RAPGEF4: variants seen among roughly 807,000 people sequenced by gnomAD.
The protein encoded by RAPGEF4 is Rap guanine nucleotide exchange factor 4, also known as RAP guanine-nucleotide-exchange factor (GEF) 4.
RAPGEF4 carries 66 observed loss-of-function variants against 147.9 expected under a neutral mutation model. The observed-to-expected ratio is 0.45, with a 90% confidence interval of 0.37 to 0.55. The LOEUF (loss-of-function observed/expected upper bound fraction) is 0.55, where lower values mean the gene tolerates loss of function less well. Among genes scored for constraint, RAPGEF4 ranks in the 20% least tolerant of loss-of-function variants. The pLI, the probability that RAPGEF4 is intolerant of heterozygous loss-of-function variation, is 0.00. For synonymous variants in RAPGEF4, 419 were observed against 442.7 expected (o/e 0.95, Z 0.67); for missense variants, 1,071 against 1,257.3 (o/e 0.85, Z 2.24).
intron 6 of RAPGEF4, among the ~76,000 whole-genome samples, chr2:172,927,789 C>T (rs1384343108): frequency 6.6e-6 from 1 of 152,204 alleles, no homozygotes; most frequent in Non-Finnish European, 1.5e-5. Flanking sequence ...CCAGGCTGAA[C>T]CTATGAAGAC....
At chr2:172,741,024 C>T (rs1694248615) in intron 1 of RAPGEF4, among the ~76,000 whole-genome samples, 3 of 152,192 alleles carry the variant, frequency 2.0e-5, no homozygotes, top group Non-Finnish European at 4.4e-5. Context: ...AGAAGCCAAG[C>T]TGCCAGGAGG....
At position 173,000,665 on chromosome 2, in the gene RAPGEF4, C is replaced by A. The variant is rs557420900; in HGVS notation, c.1580-601C>A. 1.7e-3 allele frequency among the ~76,000 whole-genome samples: 261 copies of A among 152,284 alleles called. 1 individual carries two copies. The highest frequency in any genetic ancestry group is 2.0e-3 in the Non-Finnish European group (137 of 68,020). On this transcript the variant is annotated intron_variant, in intron 16 of 30. Transcript: ENST00000397081. Reference sequence around the variant, plus strand: ...ATAGGACAGTCACCATTTGAATCCACCAGCTTCTGTTTTGTTAGCCTTTGT... The same window carrying A: ...ATAGGACAGTCACCATTTGAATCCAACAGCTTCTGTTTTGTTAGCCTTTGT...
intron 3 of RAPGEF4, among the ~76,000 whole-genome samples, chr2:172,810,595 C>T (rs1049194104): frequency 2.6e-5 from 4 of 152,158 alleles, no homozygotes; most frequent in African/African-American, 7.2e-5. Context: ...GATGGCGTGT[C>T]GGTGATATGC....
chr2:173,001,125 A>C, intron 16 of RAPGEF4, 141 bp from the exon 17 acceptor site: 1 of 1,203,054 alleles, frequency 8.3e-7, no homozygotes. Context: ...TATTTATATG[A>C]AGTGCTTCCA....
At chr2:172,935,485 T>A (rs1374527065) in intron 6 of RAPGEF4, among the ~76,000 whole-genome samples, 1 of 152,200 alleles carries the variant, frequency 6.6e-6, no homozygotes, top group Admixed American at 6.5e-5. Flanking sequence ...TGTTCATTGC[T>A]TCTCGCCAGT....
intron 15 of RAPGEF4, 64 bp downstream of exon 15, chr2:172,990,989 T>A (rs1692777067): frequency 1.6e-6 from 2 of 1,221,094 alleles, no homozygotes; most frequent in Non-Finnish European, 2.4e-6. Context: ...GGTATCATCA[T>A]TTCTACAATA....
At chr2:172,820,318 C>T (rs1045697457) in intron 4 of RAPGEF4, among the ~76,000 whole-genome samples, 2 of 152,102 alleles carry the variant, frequency 1.3e-5, no homozygotes, top group African/African-American at 4.8e-5. Context: ...GAAAAATTTC[C>T]CTGTTGCCAT....
chr2:172,758,649 G>A (rs762854503), intron 1 of RAPGEF4, among the ~76,000 whole-genome samples: 38 of 152,188 alleles, frequency 2.5e-4, no homozygotes, highest in Non-Finnish European at 4.9e-4. Flanking sequence ...GGAAGTGTAT[G>A]GGAAAGAAGA....
chr2:173,023,045 G>A (rs114402319), intron 23 of RAPGEF4, among the ~76,000 whole-genome samples: 1,535 of 152,224 alleles, frequency 0.01, 34 homozygotes, highest in African/African-American at 0.034. Context: ...ACCTCAGTGA[G>A]CAAACAGTGT....
At chr2:172,810,478 G>T (rs1340769581) in intron 3 of RAPGEF4, among the ~76,000 whole-genome samples, 1 of 152,230 alleles carries the variant, frequency 6.6e-6, no homozygotes, top group Non-Finnish European at 1.5e-5. Flanking sequence ...TGGGACTAAG[G>T]ATGGGTGGAT....
chr2:172,878,344 C>A (rs891772887), intron 4 of RAPGEF4, among the ~76,000 whole-genome samples: 9 of 152,276 alleles, frequency 5.9e-5, no homozygotes, highest in African/African-American at 2.2e-4. Context: ...TACCTTACCT[C>A]AAAATATTCT....
At chr2:172,877,528 T>TAA (rs141097661) in intron 4 of RAPGEF4, among the ~76,000 whole-genome samples, 46 of 133,216 alleles carry the variant, frequency 3.5e-4, no homozygotes, top group Middle Eastern at 3.8e-3. Context: ...ACTTAAAGTA[T>TAA]AAAAAAAAAA....
At chr2:172,770,695 G>C (rs1420782155) in intron 1 of RAPGEF4, among the ~76,000 whole-genome samples, 1 of 152,192 alleles carries the variant, frequency 6.6e-6, no homozygotes, top group Non-Finnish European at 1.5e-5. Flanking sequence ...TAAATGGAAA[G>C]AATTGCCATC....
rs3769270 is a variant in RAPGEF4 at position 172,899,370 on chromosome 2, G to T, written c.445-18432G>T. 7.2e-5 allele frequency among the ~76,000 whole-genome samples: 11 copies of T among 152,338 alleles called. No individual in the cohort carries two copies. The East Asian group carries it at 2.1e-3, about 29-fold the overall frequency. Reference sequence around the variant, plus strand: ...CATGACCAAAGATTAATCCGCATAGGAAAGTGTTTGCAGCAGAAATCTGTT... The same window carrying T: ...CATGACCAAAGATTAATCCGCATAGTAAAGTGTTTGCAGCAGAAATCTGTT... On this transcript the variant is annotated intron_variant, in intron 4 of 30. Transcript: ENST00000397081.
At chr2:172,979,378 A>G (rs896269107) in intron 10 of RAPGEF4, among the ~76,000 whole-genome samples, 1 of 152,220 alleles carries the variant, frequency 6.6e-6, no homozygotes, top group African/African-American at 2.4e-5. Context: ...ACGATGAGCC[A>G]TATTAAACAC....
intron 29 of RAPGEF4, among the ~76,000 whole-genome samples, chr2:173,041,757 G>T (rs1684786647): frequency 6.6e-6 from 1 of 152,144 alleles, no homozygotes; most frequent in Admixed American, 6.5e-5. Flanking sequence ...AGTCCAAGTT[G>T]GTGAGACTGA....
In RAPGEF4 at chr2:172,801,320, G is replaced by A. The variant is rs137926759; in HGVS notation, c.297+3707G>A. On this transcript the variant is annotated intron_variant, in intron 3 of 30. Transcript: ENST00000397081. ...CTGAGGAAAGAGAAAAGAGGTGATG[G>A]CACAGAGTCAAGTCTTTCAGGGAGG... Among the ~76,000 whole-genome samples the A allele has an allele frequency of 2.0e-5, 3 of 152,284 alleles. No individual in the cohort carries two copies. The East Asian group carries it at 5.8e-4, about 29-fold the overall frequency.
Position 172,882,034 on chromosome 2 carries a change from A to G in RAPGEF4, c.445-35768A>G, listed in dbSNP as rs142728112. Among the ~76,000 whole-genome samples, 186 of 152,330 alleles carry G rather than the reference A, an allele frequency of 1.2e-3. 1 individual carries two copies. Among genetic ancestry groups the G allele is most frequent in the Middle Eastern group, 6.8e-3 (2 of 294 alleles). ...TAGACATACAGATGGGAAAGCATTA[A>G]AATATATATGTGGTGTGTTCATGTT... On this transcript the variant is annotated intron_variant, in intron 4 of 30. Coordinates refer to ENST00000397081, the MANE Select transcript of RAPGEF4 (RefSeq NM_007023.4).
At chr2:172,823,473 C>A (rs180970727) in intron 4 of RAPGEF4, among the ~76,000 whole-genome samples, 2 of 152,288 alleles carry the variant, frequency 1.3e-5, no homozygotes, top group Admixed American at 6.5e-5. Context: ...AAAGGCAGTT[C>A]TAGTTGGGAA....
Sources: gnomAD v4.1 joint callset for allele counts (sites outside exome capture counted in the v4.1 genomes callset) on GRCh38, gnomAD v4.1.1 for gene constraint, MANE v1.5 for transcripts, NCBI Gene and HGNC (gene_info 2026-07-23, HGNC 2026-07-21) for gene names.